AP3B1: variants seen among roughly 807,000 people sequenced by gnomAD.
AP3B1 encodes the protein adaptor related protein complex 3 subunit beta 1, also known as AP-3 complex subunit beta-1.
AP3B1 carries 61 observed loss-of-function variants against 132.5 expected under a neutral mutation model. The observed-to-expected ratio is 0.46, with a 90% CI of 0.37 to 0.57. The LOEUF is 0.57. Ranked by LOEUF, AP3B1 falls within the 20% of genes least tolerant of loss-of-function variation. The pLI is 0.00. For synonymous variants in AP3B1, 388 were observed against 438.3 expected (o/e 0.89, Z 1.43); for missense variants, 1,120 against 1,289.4 (o/e 0.87, Z 2.01).
In AP3B1 at chr5:78,278,395, C is replaced by A. The variant is rs1362535116; in HGVS notation, c.129-10800G>T. Among the ~76,000 whole-genome samples the A allele has an allele frequency of 1.4e-5, 2 of 138,714 alleles. 1 individual carries two copies. The highest frequency in any genetic ancestry group is 3.3e-5 in the Non-Finnish European group (2 of 60,824). 91.0% of individuals were successfully genotyped at this position (138,714 alleles called of 152,430 possible). On this transcript the variant is annotated intron_variant, in intron 1 of 26. Coordinates refer to ENST00000255194, the MANE Select transcript of AP3B1 (RefSeq NM_003664.5). ...CGGGCGGATCACGAGGTCAGGAGAT[C>A]GAGACCATCCCGGCTAAAACGGTGA...
At chr5:78,104,385 A>C (rs892324643) in intron 20 of AP3B1, among the ~76,000 whole-genome samples, 1 of 152,174 alleles carries the variant, frequency 6.6e-6, no homozygotes, top group Non-Finnish European at 1.5e-5. Flanking sequence ...TTCAATAAGA[A>C]AGCCTGCTTA....
At chr5:78,206,235 C>T (rs775876312) in intron 7 of AP3B1, among the ~76,000 whole-genome samples, 19 of 152,104 alleles carry the variant, frequency 1.2e-4, no homozygotes, top group Non-Finnish European at 2.5e-4. Flanking sequence ...ACCTACCAGA[C>T]ATCTATTTTA....
At chr5:78,005,946 G>A (rs1032556554) in intron 26 of AP3B1, among the ~76,000 whole-genome samples, 37 of 152,298 alleles carry the variant, frequency 2.4e-4, no homozygotes, top group Admixed American at 1.3e-4. Flanking sequence ...TAAAGTCAGC[G>A]TGGGTCAGAT....
At chr5:78,110,451 G>A in intron 19 of AP3B1, 97 bp from the exon 20 acceptor site, 4 of 869,182 alleles carry the variant, frequency 4.6e-6, no homozygotes, top group East Asian at 2.7e-5. Context: ...ACATTAATGA[G>A]GTAATAAAAA....
chr5:78,047,192 T>C lies in AP3B1; in HGVS notation c.2578-7918A>G, dbSNP rs189192989. On this transcript the variant is annotated intron_variant, in intron 22 of 26. Transcript: ENST00000255194. ...CACATATGTCTTTATAGTAGAATGA[T>C]TTATAATCCTTTGGGTATATACCCA... Among the ~76,000 whole-genome samples, 841 of 152,360 alleles carry C rather than the reference T, an allele frequency of 5.5e-3. 6 individuals carry two copies. Among genetic ancestry groups the C allele is most frequent in the African/African-American group, 0.019 (802 of 41,574 alleles).
chr5:78,096,249 G>T (rs576560174), intron 21 of AP3B1, among the ~76,000 whole-genome samples: 1 of 152,230 alleles, frequency 6.6e-6, no homozygotes. Context: ...CTAACCGCGA[G>T]TGATCCGCCA....
At chr5:78,046,289 T>C (rs1292728865) in intron 22 of AP3B1, among the ~76,000 whole-genome samples, 1 of 152,192 alleles carries the variant, frequency 6.6e-6, no homozygotes, top group East Asian at 1.9e-4. Context: ...CATTAGATCC[T>C]CATAGGAGTG....
chr5:78,119,440 A>T (rs931297417), intron 17 of AP3B1, among the ~76,000 whole-genome samples: 6 of 151,754 alleles, frequency 4.0e-5, no homozygotes, highest in African/African-American at 9.7e-5. Context: ...TAAAAACTTT[A>T]AAAAAAAATT....
chr5:78,196,826 T>C (rs1745094197), intron 7 of AP3B1, among the ~76,000 whole-genome samples: 1 of 152,158 alleles, frequency 6.6e-6, no homozygotes, highest in Non-Finnish European at 1.5e-5. Flanking sequence ...AGGCAAACTA[T>C]GTAGACATTA....
chr5:78,063,521 C>A (rs1004480971), intron 22 of AP3B1, among the ~76,000 whole-genome samples: 2 of 152,156 alleles, frequency 1.3e-5, no homozygotes, highest in African/African-American at 4.8e-5. Context: ...TCATGATGGA[C>A]AATTATTTTC....
chr5:78,266,230 T>C (rs921681826), intron 2 of AP3B1, among the ~76,000 whole-genome samples: 19 of 152,174 alleles, frequency 1.2e-4, no homozygotes, highest in Admixed American at 1.2e-3. Context: ...TTAACTAAAC[T>C]GTAGTAACTG....
chr5:78,283,939 T>C (rs544136800), intron 1 of AP3B1, among the ~76,000 whole-genome samples: 2 of 152,364 alleles, frequency 1.3e-5, no homozygotes, highest in South Asian at 4.1e-4. Flanking sequence ...CTCTTCATAA[T>C]ACAGACTGAT....
At position 78,278,353 on chromosome 5, in the gene AP3B1, T is replaced by TAATTATGAGGAA. The variant is rs1165973650; in HGVS notation, c.129-10759_129-10758insTTCCTCATAATT. Among the ~76,000 whole-genome samples the TAATTATGAGGAA allele has an allele frequency of 9.3e-3, 1,321 of 141,332 alleles. 45 individuals carry two copies. The highest frequency in any genetic ancestry group is 0.014 in the South Asian group (63 of 4,374). The allele number at this position is 141,332 out of a possible 152,430, so 92.7% of individuals were successfully genotyped here. The stretch of plus-strand genomic sequence containing the variant: ...AATGCCCCTCCAAAAGGGGACTAAT[T>TAATTATGAGGAA]CTTTGGGAGGCCGAGGCGGGCGGAT... On this transcript the variant is annotated intron_variant, in intron 1 of 26. Transcript: ENST00000255194.
chr5:78,285,174 G>A (rs1429149351), intron 1 of AP3B1, among the ~76,000 whole-genome samples: 5 of 151,816 alleles, frequency 3.3e-5, no homozygotes, highest in East Asian at 1.9e-4. Context: ...GCGTGAACCC[G>A]GGAGGCGGAG....
chr5:78,236,136 C>T (rs1369195038), intron 3 of AP3B1, among the ~76,000 whole-genome samples: 1 of 152,102 alleles, frequency 6.6e-6, no homozygotes, highest in African/African-American at 2.4e-5. Flanking sequence ...TGTAACAGAA[C>T]ATTAGGCAGC....
intron 18 of AP3B1, among the ~76,000 whole-genome samples, chr5:78,114,471 C>T (rs973305522): frequency 3.3e-5 from 5 of 151,964 alleles, no homozygotes; most frequent in Admixed American, 3.3e-4. Context: ...AGCTAGTAAA[C>T]GAGTTTTCCA....
In AP3B1 at chr5:78,021,307, T is replaced by TA. The variant is rs891980556; in HGVS notation, c.2895-519dup. On this transcript the variant is annotated intron_variant, in intron 24 of 26. Coordinates refer to ENST00000255194, the MANE Select transcript of AP3B1 (RefSeq NM_003664.5). ...CATCTGCAAACTTGCTTTCCTAAAA[T>TA]AAAAAAAAAGCCCTTATTTGCTAGC... Among the ~76,000 whole-genome samples the TA allele has an allele frequency of 1.3e-3, 194 of 150,888 alleles. 1 individual carries two copies. The Middle Eastern group carries it at 0.014, about 11-fold the overall frequency.
At chr5:78,127,996 T>C in intron 17 of AP3B1, 34 bp downstream of exon 17, 1 of 1,609,266 alleles carries the variant, frequency 6.2e-7, no homozygotes, top group Non-Finnish European at 8.5e-7. Context: ...CTTCCACTGC[T>C]TTGGCAAAAT....
At position 78,123,324 on chromosome 5, in the gene AP3B1, A is replaced by C. The variant is rs1220899988; in HGVS notation, c.1968+4706T>G. Among the ~76,000 whole-genome samples, 3 of 152,240 alleles carry C rather than the reference A, an allele frequency of 2.0e-5. No individual in the cohort carries two copies. The East Asian group carries it at 5.8e-4, about 29-fold the overall frequency. On this transcript the variant is annotated intron_variant, in intron 17 of 26. Coordinates refer to ENST00000255194, the MANE Select transcript of AP3B1 (RefSeq NM_003664.5). Reference sequence around the variant, plus strand: ...TGTCTAAAACACCAAAAGCAATGGTAACAAAAGCCAAAATTGACAAATGGG... The same window carrying C: ...TGTCTAAAACACCAAAAGCAATGGTCACAAAAGCCAAAATTGACAAATGGG...
Sources: gnomAD v4.1 joint callset for allele counts (sites outside exome capture counted in the v4.1 genomes callset) on GRCh38, gnomAD v4.1.1 for gene constraint, MANE v1.5 for transcripts, NCBI Gene and HGNC (gene_info 2026-07-23, HGNC 2026-07-21) for gene names.